SMCO4: variants seen among roughly 807,000 people sequenced by gnomAD.
The protein encoded by SMCO4 is single-pass membrane protein with coiled-coil domains 4.
SMCO4 carries 4 observed loss-of-function variants against 3.6 expected under a neutral mutation model. The observed-to-expected ratio is 1.11, with a 90% CI of 0.54 to 2.53. The LOEUF (loss-of-function observed/expected upper bound fraction) is 2.53, where lower values mean the gene tolerates loss of function less well. Among genes scored for constraint, SMCO4 ranks in the 30% most tolerant of loss-of-function variants. The probability of loss-of-function intolerance (pLI) is 0.02; values close to 1 mark genes in which losing one functional copy is unlikely to be tolerated. For synonymous variants in SMCO4, 36 were observed against 35.3 expected (o/e 1.02, Z -0.07); for missense variants, 70 against 80.8 (o/e 0.87, Z 0.51).
chr11:93,534,423 C>G (rs1949200060), intron 1 of SMCO4, among the ~76,000 whole-genome samples: 1 of 149,900 alleles, frequency 6.7e-6, no homozygotes. Flanking sequence ...AAAGGGAACA[C>G]AAATAGGTGG....
Position 93,513,665 on chromosome 11 carries a change from G to A in SMCO4, c.-153-14317C>T, listed in dbSNP as rs527651560. Among the ~76,000 whole-genome samples the A allele has an allele frequency of 2.0e-5, 3 of 152,330 alleles. No homozygotes were observed. The East Asian group carries it at 5.8e-4, about 29-fold the overall frequency. The stretch of plus-strand genomic sequence containing the variant: ...AGGAAGAGCAGGTTTGTCTGTGAGA[G>A]GAAGGAAGACTGGACTCCTCAGTGG... On this transcript the variant is annotated intron_variant, in intron 1 of 2. Coordinates refer to ENST00000298966, the MANE Select transcript of SMCO4 (RefSeq NM_020179.3).
the SMCO4 span, among the ~76,000 whole-genome samples, chr11:93,548,634 T>A: frequency 1.3e-5 from 2 of 152,350 alleles, no homozygotes; most frequent in Admixed American, 1.3e-4. Flanking sequence ...GGTTCTGTCC[T>A]GTCCACAAGG....
At chr11:93,533,081 C>G (rs1388545817) in intron 1 of SMCO4, among the ~76,000 whole-genome samples, 1 of 152,180 alleles carries the variant, frequency 6.6e-6, no homozygotes, top group Non-Finnish European at 1.5e-5. Flanking sequence ...GTTCTCTTTT[C>G]AGAGACACGA....
chr11:93,507,265 T>C (rs1948915231), intron 1 of SMCO4, among the ~76,000 whole-genome samples: 1 of 152,062 alleles, frequency 6.6e-6, no homozygotes, highest in Non-Finnish European at 1.5e-5. Context: ...ATAAGCGTGA[T>C]GGTGGGTGTC....
chr11:93,536,694 G>A (rs72966966), intron 1 of SMCO4, among the ~76,000 whole-genome samples: 20,169 of 152,126 alleles, frequency 0.13, 1,596 homozygotes, highest in East Asian at 0.27. Flanking sequence ...TGGGTGAAGG[G>A]GAATGTGACA....
In SMCO4 at chr11:93,540,559, G is replaced by A. The variant is rs544993089; in HGVS notation, c.-154+2717C>T. Reference sequence around the variant, plus strand: ...TATCTCATTTAACTAGCACAACCCTGTAGGATAGCTGAGAATTCCTTTTCC... The same window carrying A: ...TATCTCATTTAACTAGCACAACCCTATAGGATAGCTGAGAATTCCTTTTCC... On this transcript the variant is annotated intron_variant, in intron 1 of 2. Transcript: ENST00000298966. Among the ~76,000 whole-genome samples, 43 of 152,304 alleles carry A rather than the reference G, an allele frequency of 2.8e-4. No homozygotes were observed. The South Asian group carries it at 8.9e-3, about 32-fold the overall frequency.
intron 2 of SMCO4, among the ~76,000 whole-genome samples, chr11:93,495,777 C>G (rs962985823): frequency 6.6e-6 from 1 of 152,154 alleles, no homozygotes. Context: ...AGTGGTCCAC[C>G]TCTGTGTTCT....
intron 2 of SMCO4, among the ~76,000 whole-genome samples, chr11:93,481,682 G>A (rs1948594473): frequency 6.6e-6 from 1 of 152,218 alleles, no homozygotes. Flanking sequence ...GCAATGGACA[G>A]CATTCCTGTT....
upstream of SMCO4, among the ~76,000 whole-genome samples, chr11:93,544,324 T>C (rs1278502643): frequency 6.6e-6 from 1 of 152,194 alleles, no homozygotes; most frequent in African/African-American, 2.4e-5. Context: ...TTGACTACCT[T>C]TTCACCTTAA....
At chr11:93,510,138 A>T (rs1025993998) in intron 1 of SMCO4, among the ~76,000 whole-genome samples, 4 of 152,230 alleles carry the variant, frequency 2.6e-5, no homozygotes, top group African/African-American at 9.6e-5. Context: ...GGTTGGTGTG[A>T]GCATCATGGA....
At chr11:93,485,721 C>T (rs973140678) in intron 2 of SMCO4, among the ~76,000 whole-genome samples, 5 of 152,116 alleles carry the variant, frequency 3.3e-5, no homozygotes, top group African/African-American at 4.8e-5. Context: ...ATATCAAAGC[C>T]GGAATATTTT....
At chr11:93,515,749 A>C (rs1457982014) in intron 1 of SMCO4, among the ~76,000 whole-genome samples, 1 of 152,150 alleles carries the variant, frequency 6.6e-6, no homozygotes, top group African/African-American at 2.4e-5. Flanking sequence ...CCAGAAGAAA[A>C]GGCTCTTGGG....
intron 1 of SMCO4, among the ~76,000 whole-genome samples, chr11:93,531,155 T>G (rs1949158079): frequency 6.6e-6 from 1 of 152,188 alleles, no homozygotes; most frequent in Non-Finnish European, 1.5e-5. Context: ...ATGCCTTCCC[T>G]CATCTGGGTG....
At chr11:93,535,761 C>T in intron 1 of SMCO4, 1 of 1,607,340 alleles carries the variant, frequency 6.2e-7, no homozygotes, top group Non-Finnish European at 8.5e-7. Context: ...AGAAGAGAGA[C>T]AAAAAGAACA....
At chr11:93,535,000 T>C (rs1489609539) in intron 1 of SMCO4, among the ~76,000 whole-genome samples, 3 of 152,190 alleles carry the variant, frequency 2.0e-5, no homozygotes, top group African/African-American at 4.8e-5. Context: ...ACCACATTCC[T>C]GGAGGCTTTT....
chr11:93,479,363 G>T, intron 2 of SMCO4, 94 bp from the exon 3 acceptor site: 1 of 1,189,236 alleles, frequency 8.4e-7, no homozygotes, highest in Non-Finnish European at 1.1e-6. Context: ...AAAAATATCT[G>T]CAACTTACAT....
chr11:93,533,599 C>G (rs887239364), intron 1 of SMCO4, among the ~76,000 whole-genome samples: 1 of 152,114 alleles, frequency 6.6e-6, no homozygotes, highest in Non-Finnish European at 1.5e-5. Context: ...CTAGCAATCC[C>G]CTAACCCTCA....
chr11:93,523,095 A>G (rs2608213), intron 1 of SMCO4, among the ~76,000 whole-genome samples: 50,719 of 152,040 alleles, frequency 0.33, 8,863 homozygotes, highest in East Asian at 0.56. Context: ...TAATGTGGAA[A>G]GGAGAGAGAG....
intron 1 of SMCO4, among the ~76,000 whole-genome samples, chr11:93,528,635 C>G (rs1004533374): frequency 1.8e-5 from 1 of 56,270 alleles, no homozygotes; most frequent in Non-Finnish European, 3.7e-5. Flanking sequence ...GCACTGTGAC[C>G]AGGGAGACAG....
Sources: allele counts gnomAD v4.1 joint callset (sites outside exome capture counted in the v4.1 genomes callset), GRCh38; gene constraint gnomAD v4.1.1; transcripts MANE v1.5; gene names NCBI Gene and HGNC (gene_info 2026-07-23, HGNC 2026-07-21).